Variants in KCNS3 observed in about 807,000 individuals in gnomAD.
KCNS3 encodes delayed-rectifier potassium channel regulatory subunit KCNS3.
In KCNS3, 13 loss-of-function variants were observed where a neutral mutation model predicts 31.0. The ratio of observed to expected loss-of-function variants is 0.42; its 90% CI spans 0.27 to 0.67. The LOEUF (loss-of-function observed/expected upper bound fraction) is 0.67, where lower values mean the gene tolerates loss of function less well. KCNS3 is among the 30% of genes least tolerant of loss of function. The pLI is 0.25. For synonymous variants in KCNS3, 238 were observed against 241.5 expected, an observed-to-expected ratio of 0.99 and a Z score of 0.13; for missense variants, 545 against 622.4, an observed-to-expected ratio of 0.88 and a Z score of 1.32.
chr2:17,907,731 C>T (rs191429696), intron 1 of KCNS3, among the ~76,000 whole-genome samples: 4,079 of 152,134 alleles, frequency 0.027, 143 homozygotes, highest in African/African-American at 0.079. Context: ...CTTAGTTTGG[C>T]TGGATATGAA....
intron 2 of KCNS3, 125 bp downstream of exon 2, chr2:17,917,996 G>A (rs1396206570): frequency 6.6e-6 from 1 of 152,644 alleles, no homozygotes; most frequent in East Asian, 1.9e-4. Context: ...AAATCCACTG[G>A]GCAGTTGGGA....
At chr2:17,919,435 G>A (rs1015598590) in intron 2 of KCNS3, 24 of 152,170 alleles carry the variant, frequency 1.6e-4, no homozygotes, top group African/African-American at 5.8e-4. Context: ...TTCTATAGAT[G>A]AAGACTTCAC....
In KCNS3 at chr2:17,932,391, G is replaced by A; in HGVS notation, c.1383G>A (p.Val461=). Reference sequence around the variant, plus strand: ...CCAGTCTCTCTTCTGTAGGCATTGTGGTGAGCGATCCTGACTCCACAGATG... The same window carrying A: ...CCAGTCTCTCTTCTGTAGGCATTGTAGTGAGCGATCCTGACTCCACAGATG... ...FITSLSSVGI[V]VSDPDSTDAS... The change falls in exon 3 of 3, where the codon GTG becomes GTA. Residue 461 remains valine, a synonymous_variant. Transcript: ENST00000304101. The A allele has an allele frequency of 6.2e-7, 1 of 1,614,104 alleles. No homozygotes were observed. Among genetic ancestry groups the A allele is most frequent in the Non-Finnish European group, 8.5e-7 (1 of 1,180,018 alleles).
chr2:17,901,467 G>T (rs898334234), intron 1 of KCNS3, among the ~76,000 whole-genome samples: 1 of 152,190 alleles, frequency 6.6e-6, no homozygotes, highest in East Asian at 1.9e-4. Context: ...CTGAGTAAGC[G>T]GGTATGAAGG....
Position 17,931,591 on chromosome 2 carries a change from G to T in KCNS3, c.583G>T (p.Val195Leu), listed in dbSNP as rs551952573. 11 of 1,614,188 alleles carry T rather than the reference G, an allele frequency of 6.8e-6. No homozygotes were observed. Among genetic ancestry groups the T allele is most frequent in the Non-Finnish European group, 9.3e-6 (11 of 1,180,036 alleles). The change falls in exon 3 of 3, where the codon GTG becomes TTG. Residue 195 changes from valine to leucine, a missense_variant. Coordinates refer to ENST00000304101, the MANE Select transcript of KCNS3 (RefSeq NM_002252.5). This position sits in a 1 kb window ranked among gnomAD's most constrained non-coding sequence, Gnocchi z 5.4. ...TATCGCTATCTCCTCCTTGAGCGTGGTGCTGGCCTCCATCGTGGCCATGTG... is the reference window on the plus strand; with the variant it reads ...TATCGCTATCTCCTCCTTGAGCGTGTTGCTGGCCTCCATCGTGGCCATGTG... Reference protein sequence around the residue: ...KLIAISSLSVVLASIVAMCVH... With the variant: ...KLIAISSLSVLLASIVAMCVH...
intron 1 of KCNS3, among the ~76,000 whole-genome samples, chr2:17,886,935 T>A (rs988004139): frequency 6.6e-6 from 1 of 152,198 alleles, no homozygotes; most frequent in African/African-American, 2.4e-5. Context: ...ACCTGAGAAC[T>A]TTGTTTTTTA....
Position 17,931,515 on chromosome 2 carries a change from G to A in KCNS3, c.507G>A (p.Lys169=). 6.2e-7 allele frequency: 1 copy of A among 1,614,228 alleles called. No individual in the cohort carries two copies. Among genetic ancestry groups the A allele is most frequent in the Non-Finnish European group, 8.5e-7 (1 of 1,180,046 alleles). The part of the protein sequence containing the change: ...FDTLRFGQLR[K]KIWIRMENPA... ...CACTGCGATTTGGTCAGCTCCGGAA[G>A]AAAATCTGGATTAGAATGGAGAATC... Residue 169 remains lysine (K), a synonymous_variant, in exon 3 of 3, where the codon AAG becomes AAA. Coordinates refer to ENST00000304101, the MANE Select transcript of KCNS3 (RefSeq NM_002252.5). The surrounding 1 kb of genome is among the most constrained non-coding windows in gnomAD (Gnocchi z 5.4).
chr2:17,909,344 G>C (rs1166698343), intron 1 of KCNS3, among the ~76,000 whole-genome samples: 1 of 152,168 alleles, frequency 6.6e-6, no homozygotes, highest in African/African-American at 2.4e-5. Flanking sequence ...TGATTTTCCA[G>C]GTGCCATCTG....
intron 2 of KCNS3, among the ~76,000 whole-genome samples, chr2:17,919,245 G>T (rs1042071037): frequency 2.0e-5 from 3 of 152,176 alleles, no homozygotes; most frequent in African/African-American, 4.8e-5. Context: ...TAATGTGATT[G>T]TACTAGTTGG....
At chr2:17,889,866 G>A (rs1360422444) in intron 1 of KCNS3, among the ~76,000 whole-genome samples, 1 of 152,082 alleles carries the variant, frequency 6.6e-6, no homozygotes, top group Non-Finnish European at 1.5e-5. Flanking sequence ...TGTTCTTCAA[G>A]GATATCGGTC....
Position 17,931,882 on chromosome 2 carries a change from C to T in KCNS3, c.874C>T (p.Leu292=), listed in dbSNP as rs1037246255. ...IENMGKVVQI[L]RLMRIFRILK... The stretch of plus-strand genomic sequence containing the variant: ...GAACATGGGCAAGGTGGTCCAGATC[C>T]TACGGCTTATGAGGATTTTCCGAAT... The change falls in exon 3 of 3, where the codon CTA becomes TTA. Residue 292 remains leucine, a synonymous_variant. Transcript: ENST00000304101. This position sits in a 1 kb window ranked among gnomAD's most constrained non-coding sequence, Gnocchi z 5.4. 1 of 1,614,160 alleles carries T rather than the reference C, an allele frequency of 6.2e-7. No individual in the cohort carries two copies. The highest frequency in any genetic ancestry group is 1.7e-5 in the Admixed American group (1 of 60,020).
intron 1 of KCNS3, among the ~76,000 whole-genome samples, chr2:17,888,629 GTATATATATATATATATATATATATA>G (rs70964021): frequency 0.025 from 2,292 of 92,388 alleles, 97 homozygotes; most frequent in Non-Finnish European, 0.032. Context: ...TAAAAAAAAT[GTATATATATATATATATATATATATA>G]TATATATATA....
chr2:17,913,461 A>G (rs1005979395), intron 1 of KCNS3, among the ~76,000 whole-genome samples: 2 of 152,282 alleles, frequency 1.3e-5, no homozygotes, highest in South Asian at 2.1e-4. Flanking sequence ...TGGCACTAAA[A>G]TGTTAGAAAA....
intron 2 of KCNS3, among the ~76,000 whole-genome samples, chr2:17,928,546 T>G (rs1662886431): frequency 6.6e-6 from 1 of 152,252 alleles, no homozygotes; most frequent in South Asian, 2.1e-4. Flanking sequence ...TCATTTTTTC[T>G]TGATTAGCCT....
rs546988677 is a variant in KCNS3, at chr2:17,926,942, T to C, written c.-59-4008T>C. 7.2e-5 allele frequency among the ~76,000 whole-genome samples: 11 copies of C among 152,338 alleles called. No individual in the cohort carries two copies. The South Asian group carries it at 2.3e-3, about 32-fold the overall frequency. ...CTATCACATCATCGGGCTCCAAATTTCCCAAACCTTTATGCTCTGCTTCCC... is the reference window on the plus strand; with the variant it reads ...CTATCACATCATCGGGCTCCAAATTCCCCAAACCTTTATGCTCTGCTTCCC... On this transcript the variant is annotated intron_variant, in intron 2 of 2. Coordinates refer to ENST00000304101, the MANE Select transcript of KCNS3 (RefSeq NM_002252.5).
chr2:17,899,985 G>A (rs184008847), intron 1 of KCNS3, among the ~76,000 whole-genome samples: 2 of 152,276 alleles, frequency 1.3e-5, no homozygotes, highest in African/African-American at 2.4e-5. Context: ...CCCTACAGAA[G>A]CAAAGAGTAC....
intron 2 of KCNS3, among the ~76,000 whole-genome samples, chr2:17,930,675 C>T (rs1572506091): frequency 6.6e-6 from 1 of 152,318 alleles, no homozygotes; most frequent in Admixed American, 6.5e-5. Flanking sequence ...GAATGCTTAA[C>T]ACACAGAGAA....
At chr2:17,908,993 A>G (rs1471495569) in intron 1 of KCNS3, among the ~76,000 whole-genome samples, 2 of 152,230 alleles carry the variant, frequency 1.3e-5, no homozygotes, top group Non-Finnish European at 2.9e-5. Context: ...AAGCTGTCAG[A>G]CAGGGACATT....
chr2:17,885,815 C>G (rs1661642101), intron 1 of KCNS3, among the ~76,000 whole-genome samples: 1 of 152,176 alleles, frequency 6.6e-6, no homozygotes, highest in Admixed American at 6.5e-5. Flanking sequence ...AATGTCTGGG[C>G]ACCCTGTGAC....
Sources: gnomAD v4.1 joint callset for allele counts (sites outside exome capture counted in the v4.1 genomes callset) on GRCh38, gnomAD v4.1.1 for gene constraint, Gnocchi (gnomAD v3.1) non-coding constraint, MANE v1.5 for transcripts, NCBI Gene and HGNC (gene_info 2026-07-23, HGNC 2026-07-21) for gene names.